The following TMEM276 variants were observed in gnomAD, a reference collection of about 807,000 sequenced individuals.
TMEM276 encodes transmembrane protein 276.
chr8:144,466,985 G>C, the TMEM276 span: 1 of 1,596,806 alleles, frequency 6.3e-7, no homozygotes, highest in Non-Finnish European at 8.5e-7. Flanking sequence ...GGATGGGTCG[G>C]AAGGCGCAGC....
At chr8:144,465,412 C>T in the TMEM276 span, 1 of 1,014,750 alleles carries the variant, frequency 9.9e-7, no homozygotes, top group South Asian at 3.6e-5. Flanking sequence ...CAACGCACCG[C>T]CCACCGCCGT....
At chr8:144,464,053 A>T in the TMEM276 span, 1 of 1,549,924 alleles carries the variant, frequency 6.5e-7, no homozygotes, top group East Asian at 2.3e-5. Flanking sequence ...CCCTAGGGAG[A>T]AGGCGCCAGG....
chr8:144,466,842 G>GGTGC, the TMEM276 span: 1 of 1,536,780 alleles, frequency 6.5e-7, no homozygotes, highest in Admixed American at 1.9e-5. Flanking sequence ...CTGGCCGGTA[G>GGTGC]GTGCGGGCTG....
At chr8:144,466,380 G>A in the TMEM276 span, 1 of 913,954 alleles carries the variant, frequency 1.1e-6, no homozygotes, top group Non-Finnish European at 1.4e-6. Flanking sequence ...CGGGGACGCG[G>A]GGCGGCGCGA....
chr8:144,466,482 C>T, the TMEM276 span: 3 of 1,332,694 alleles, frequency 2.3e-6, no homozygotes. Flanking sequence ...GGGATGGTGG[C>T]GCCGCGGCGG....
At chr8:144,466,686 G>A in the TMEM276 span, 189 of 1,285,314 alleles carry the variant, frequency 1.5e-4, no homozygotes, top group Non-Finnish European at 1.9e-4. Flanking sequence ...CAATCCTCCG[G>A]CCCGGTTCGC....
the TMEM276 span, chr8:144,465,013 A>C: frequency 0.99 from 1,520,602 of 1,538,978 alleles, 752,698 homozygotes; most frequent in Non-Finnish European, 1. Flanking sequence ...CACTCTAGTA[A>C]GCCCAGGTTC....
At chr8:144,465,541 G>A in the TMEM276 span, 2 of 533,530 alleles carry the variant, frequency 3.7e-6, no homozygotes, top group Non-Finnish European at 4.8e-6. Flanking sequence ...TGGGGGGGGA[G>A]GGTCGAGGCC....
chr8:144,465,382 G>C, the TMEM276 span: 4 of 1,031,336 alleles, frequency 3.9e-6, no homozygotes, highest in Non-Finnish European at 4.7e-6. Flanking sequence ...GCAGCGGCGA[G>C]CGGGAGGCCC....
chr8:144,466,904 G>A, the TMEM276 span: 1 of 1,557,270 alleles, frequency 6.4e-7, no homozygotes, highest in Non-Finnish European at 8.6e-7. Flanking sequence ...AGGGGCGGAG[G>A]CCTGGCTCAA....
the TMEM276 span, chr8:144,466,420 A>G: frequency 1.5e-6 from 2 of 1,323,598 alleles, no homozygotes; most frequent in African/African-American, 1.6e-5. Context: ...CCGCGCTCCC[A>G]TGTACGCCTT....
chr8:144,466,858 C>T, the TMEM276 span: 1 of 1,536,612 alleles, frequency 6.5e-7, no homozygotes, highest in Non-Finnish European at 8.7e-7. Flanking sequence ...GGCTGGGAGT[C>T]CCGCGGTGCG....
chr8:144,464,194 C>G, the TMEM276 span: 1 of 1,613,158 alleles, frequency 6.2e-7, no homozygotes, highest in Non-Finnish European at 8.5e-7. Context: ...AGCCAAGGCC[C>G]AGCGACAGAC....
the TMEM276 span, chr8:144,465,270 G>C: frequency 9.0e-7 from 1 of 1,111,084 alleles, no homozygotes; most frequent in Non-Finnish European, 1.1e-6. Flanking sequence ...TGCTCCCTGC[G>C]TTCCGGGAGG....
chr8:144,465,395 G>C, the TMEM276 span: 1 of 1,026,096 alleles, frequency 9.7e-7, no homozygotes, highest in Non-Finnish European at 1.2e-6. Context: ...GGAGGCCCGA[G>C]CCTGCGCAAC....
the TMEM276 span, chr8:144,466,884 C>T: frequency 6.5e-7 from 1 of 1,540,966 alleles, no homozygotes; most frequent in African/African-American, 1.4e-5. Context: ...GGTGCCGGGA[C>T]CTCCCAGGGA....
chr8:144,464,601 C>T, the TMEM276 span: 3 of 1,607,408 alleles, frequency 1.9e-6, no homozygotes, highest in Non-Finnish European at 2.5e-6. Flanking sequence ...CAGCAGCAGC[C>T]CCTCGACTTG....
the TMEM276 span, chr8:144,465,102 GAGA>G: frequency 5.4e-6 from 8 of 1,495,046 alleles, no homozygotes; most frequent in East Asian, 2.5e-5. Context: ...CACACCTGTG[GAGA>G]AGAAGAACCT....
the TMEM276 span, chr8:144,464,958 G>A: frequency 9.4e-6 from 15 of 1,590,196 alleles, no homozygotes; most frequent in Admixed American, 1.2e-4. Context: ...CAACTTTGGA[G>A]AGGAAGGAAG....
Sources: gnomAD v4.1 joint callset for allele counts on GRCh38, gnomAD v4.1.1 for gene constraint, MANE v1.5 for transcripts, NCBI Gene and HGNC (gene_info 2026-07-23, HGNC 2026-07-21) for gene names.